PTPRG: variants seen among roughly 807,000 people sequenced by gnomAD.
PTPRG encodes the protein receptor-type tyrosine-protein phosphatase gamma.
A neutral mutation model predicts 165.3 loss-of-function variants in PTPRG; 102 were observed. That is an observed-to-expected ratio of 0.62 (90% CI 0.53 to 0.73). The LOEUF is 0.73. Ranked by LOEUF, PTPRG falls within the 30% of genes least tolerant of loss-of-function variation. The pLI is 0.00. For synonymous variants in PTPRG, 675 were observed against 669.5 expected (o/e 1.01, Z -0.13); for missense variants, 1,866 against 1,861.4 (o/e 1.00, Z -0.05).
rs138373216 is a variant in PTPRG, at chr3:62,100,972, A to G, written c.615+22714A>G. On this transcript the variant is annotated intron_variant, in intron 5 of 29. Coordinates refer to ENST00000474889, the MANE Select transcript of PTPRG (RefSeq NM_002841.4). ...AATATTCTTTAAAGTATAATTTGCA[A>G]TGATAAAGTGGCATCCAAAATGCTA... Among the ~76,000 whole-genome samples, 13 of 152,354 alleles carry G rather than the reference A, an allele frequency of 8.5e-5. No individual in the cohort carries two copies. The East Asian group carries it at 2.5e-3, about 29-fold the overall frequency.
chr3:61,693,190 G>A (rs900939462), intron 1 of PTPRG, among the ~76,000 whole-genome samples: 1 of 152,114 alleles, frequency 6.6e-6, no homozygotes, highest in Admixed American at 6.5e-5. Context: ...ACTATTTAGC[G>A]AGATGTATAA....
At chr3:62,141,055 T>C (rs1332241466) in intron 6 of PTPRG, among the ~76,000 whole-genome samples, 1 of 152,128 alleles carries the variant, frequency 6.6e-6, no homozygotes, top group Non-Finnish European at 1.5e-5. Context: ...CTCATATATA[T>C]TACACATTAA....
intron 5 of PTPRG, among the ~76,000 whole-genome samples, chr3:62,125,411 T>G (rs1163614264): frequency 1.3e-5 from 2 of 152,190 alleles, no homozygotes; most frequent in East Asian, 3.9e-4. Flanking sequence ...CCTGAGTAGC[T>G]TTTTGCTTCC....
chr3:61,676,455 T>TTAAAAAAAAAAAAAAAAAAAAAAA, intron 1 of PTPRG, among the ~76,000 whole-genome samples: 1 of 1,436 alleles, frequency 7.0e-4, no homozygotes, highest in Non-Finnish European at 1.4e-3. Flanking sequence ...AGACTCCATC[T>TTAAAAAAAAAAAAAAAAAAAAAAA]CAAAAAAAAA....
At chr3:62,099,277 G>C (rs1352243844) in intron 5 of PTPRG, among the ~76,000 whole-genome samples, 2 of 152,194 alleles carry the variant, frequency 1.3e-5, no homozygotes, top group African/African-American at 4.8e-5. Context: ...TCTGGTGTAA[G>C]CAAGCCCTTA....
chr3:61,728,436 A>T (rs1380353486), intron 1 of PTPRG, among the ~76,000 whole-genome samples: 2 of 152,104 alleles, frequency 1.3e-5, no homozygotes, highest in African/African-American at 4.8e-5. Flanking sequence ...TTAAAAAATT[A>T]GTTGGGTGTG....
At chr3:62,080,234 A>ATTTTT (rs112814144) in intron 5 of PTPRG, among the ~76,000 whole-genome samples, 1 of 137,436 alleles carries the variant, frequency 7.3e-6, no homozygotes, top group Non-Finnish European at 1.5e-5. Context: ...ATGCCCAGCT[A>ATTTTT]ATTTTTTTTT....
chr3:61,981,774 C>T (rs1430307706), intron 2 of PTPRG, among the ~76,000 whole-genome samples: 5 of 152,072 alleles, frequency 3.3e-5, no homozygotes, highest in African/African-American at 1.2e-4. Flanking sequence ...CTAATGTAAC[C>T]CTGTAATTTA....
intron 1 of PTPRG, among the ~76,000 whole-genome samples, chr3:61,632,578 C>T (rs1701798513): frequency 6.6e-6 from 1 of 152,166 alleles, no homozygotes. Context: ...ATAGACACAG[C>T]AGCCATTGTC....
chr3:61,666,854 A>G (rs1702825594), intron 1 of PTPRG, among the ~76,000 whole-genome samples: 1 of 152,176 alleles, frequency 6.6e-6, no homozygotes, highest in Non-Finnish European at 1.5e-5. Context: ...AAGCCTACTT[A>G]AGAAAAGCTG....
chr3:61,616,105 C>T (rs542680148), intron 1 of PTPRG, among the ~76,000 whole-genome samples: 1 of 152,268 alleles, frequency 6.6e-6, no homozygotes, highest in South Asian at 2.1e-4. Flanking sequence ...CATGTGCCAC[C>T]ATGCCAGGCT....
At chr3:61,786,865 C>G (rs546858125) in intron 2 of PTPRG, among the ~76,000 whole-genome samples, 1 of 152,136 alleles carries the variant, frequency 6.6e-6, no homozygotes, top group Non-Finnish European at 1.5e-5. Context: ...AGAAGCCTTA[C>G]GCACCATAAC....
At chr3:61,839,320 T>A (rs1462914699) in intron 2 of PTPRG, among the ~76,000 whole-genome samples, 2 of 152,232 alleles carry the variant, frequency 1.3e-5, no homozygotes, top group East Asian at 3.8e-4. Flanking sequence ...ATGAATCTTA[T>A]TTTAGATGCA....
chr3:62,292,372 T>G (rs1702927128), intron 28 of PTPRG, 49 bp from the exon 29 acceptor site: 1 of 1,564,706 alleles, frequency 6.4e-7, no homozygotes, highest in African/African-American at 1.4e-5. Flanking sequence ...TTCAATATAT[T>G]TGGTCCCTTT....
Position 62,224,089 on chromosome 3 carries a change from G to A in PTPRG, c.2288+5106G>A, listed in dbSNP as rs1400838433. On this transcript the variant is annotated intron_variant, in intron 13 of 29. Coordinates refer to ENST00000474889, the MANE Select transcript of PTPRG (RefSeq NM_002841.4). This position sits in a 1 kb window ranked among gnomAD's most constrained non-coding sequence, Gnocchi z 4.9. ...TATAATGTTAATGAAATTGGTTTGG[G>A]TGATGCTCCTAATAGGCCTTAAAGT... 6.6e-6 allele frequency among the ~76,000 whole-genome samples: 1 copy of A among 152,112 alleles called. No homozygotes were observed. The highest frequency in any genetic ancestry group is 1.5e-5 in the Non-Finnish European group (1 of 68,016).
At chr3:62,289,822 G>T (rs1191885716) in intron 28 of PTPRG, among the ~76,000 whole-genome samples, 1 of 150,934 alleles carries the variant, frequency 6.6e-6, no homozygotes, top group Non-Finnish European at 1.5e-5. Flanking sequence ...TTAGAAGCTT[G>T]AACATTTAAG....
chr3:61,758,524 T>G (rs113834946), intron 2 of PTPRG, among the ~76,000 whole-genome samples: 2,005 of 152,276 alleles, frequency 0.013, 43 homozygotes, highest in African/African-American at 0.042. Context: ...CAATCTTAGT[T>G]CACTGCAACC....
chr3:62,281,790 C>A, intron 27 of PTPRG, 81 bp downstream of exon 27: 1 of 1,330,994 alleles, frequency 7.5e-7, no homozygotes, highest in Non-Finnish European at 1.0e-6. Context: ...AATAATTTAC[C>A]ACCCTCAAGC....
chr3:62,059,655 C>T (rs944992203), intron 4 of PTPRG, among the ~76,000 whole-genome samples: 4 of 152,202 alleles, frequency 2.6e-5, no homozygotes, highest in South Asian at 4.2e-4. Flanking sequence ...CTGAGAAACA[C>T]GGCAAACCCC....
Sources: allele counts gnomAD v4.1 joint callset (sites outside exome capture counted in the v4.1 genomes callset), GRCh38; gene constraint gnomAD v4.1.1; non-coding constraint Gnocchi (gnomAD v3.1); transcripts MANE v1.5; gene names NCBI Gene and HGNC (gene_info 2026-07-23, HGNC 2026-07-21).